Variants in GRIP1 observed in about 807,000 individuals in gnomAD.
The protein encoded by GRIP1 is glutamate receptor interacting protein 1, also known as glutamate receptor-interacting protein 1.
A neutral mutation model predicts 129.9 loss-of-function variants in GRIP1; 45 were observed. The observed-to-expected ratio is 0.35, with a 90% CI of 0.27 to 0.44. The LOEUF (loss-of-function observed/expected upper bound fraction) is 0.44, where lower values mean the gene tolerates loss of function less well. Among genes scored for constraint, GRIP1 ranks in the 20% least tolerant of loss-of-function variants. The pLI, the probability that GRIP1 is intolerant of heterozygous loss-of-function variation, is 1.00. For missense variants in GRIP1, 1,196 were observed against 1,396.8 expected (o/e 0.86, Z 2.29); for synonymous variants, 530 against 520.8 (o/e 1.02, Z -0.24).
intron 7 of GRIP1, among the ~76,000 whole-genome samples, chr12:66,495,920 C>T (rs1385577317): frequency 3.9e-5 from 6 of 152,136 alleles, no homozygotes; most frequent in Admixed American, 3.3e-4. Context: ...GAGTCCTCGG[C>T]GGCAGGTGAG....
chr12:66,679,981 G>A (rs1407559379), upstream of GRIP1, among the ~76,000 whole-genome samples: 2 of 152,018 alleles, frequency 1.3e-5, no homozygotes, highest in African/African-American at 2.4e-5. Flanking sequence ...CAGCCTGCTC[G>A]CCATATAGTC....
rs150105832 is a variant in GRIP1 at position 66,613,797 on chromosome 12, G to A, written c.56-16870C>T. On this transcript the variant is annotated intron_variant, in intron 1 of 24. Transcript: ENST00000359742. Reference sequence around the variant, plus strand: ...ATTAGGGTGCAGTCACTTTTTATTCGACTTAGGTTTCTTCTGTGCAAGGAT... The same window carrying A: ...ATTAGGGTGCAGTCACTTTTTATTCAACTTAGGTTTCTTCTGTGCAAGGAT... 2.6e-3 allele frequency among the ~76,000 whole-genome samples: 390 copies of A among 152,138 alleles called. 1 individual carries two copies. The highest frequency in any genetic ancestry group is 8.8e-3 in the African/African-American group (366 of 41,530).
rs2041485260 is a variant in GRIP1, at chr12:66,936,410, A to G, written c.58+132640T>C. 2.1e-5 allele frequency among the ~76,000 whole-genome samples: 3 copies of G among 143,714 alleles called. No homozygotes were observed. In the South Asian group the frequency reaches 6.8e-4, roughly 33 times the overall value. The allele number at this position is 143,714 out of a possible 152,430, so 94.3% of individuals were successfully genotyped here. On this transcript the variant is annotated intron_variant, in intron 1 of 1. Transcript: ENST00000643019. ...CACTGTACTCCGGCCTGTGTAACAG[A>G]GCAAGACCCTGTCTCCAAAAAAAAA... is the stretch of plus-strand genomic sequence containing the variant.
intron 1 of GRIP1, among the ~76,000 whole-genome samples, chr12:66,838,861 G>T (rs2039664295): frequency 6.6e-6 from 1 of 152,188 alleles, no homozygotes; most frequent in Non-Finnish European, 1.5e-5. Flanking sequence ...AAATATTGGG[G>T]TCGGAGATAA....
At chr12:66,673,836 C>G (rs934292409) in intron 1 of GRIP1, among the ~76,000 whole-genome samples, 1 of 152,108 alleles carries the variant, frequency 6.6e-6, no homozygotes, top group Non-Finnish European at 1.5e-5. Context: ...GAAATATGCC[C>G]CATGCCCTAG....
At chr12:66,917,858 C>T (rs1304905674) in intron 1 of GRIP1, among the ~76,000 whole-genome samples, 2 of 152,048 alleles carry the variant, frequency 1.3e-5, no homozygotes, top group Non-Finnish European at 2.9e-5. Flanking sequence ...TACACTCCGC[C>T]ATCTATCTCT....
At chr12:66,484,553 T>A (rs1038918905) in intron 7 of GRIP1, among the ~76,000 whole-genome samples, 1 of 152,186 alleles carries the variant, frequency 6.6e-6, no homozygotes. Flanking sequence ...GATGACACTA[T>A]GTTAAGTGAA....
chr12:67,056,007 G>A (rs1183814475), intron 1 of GRIP1, among the ~76,000 whole-genome samples: 1 of 152,172 alleles, frequency 6.6e-6, no homozygotes, highest in Non-Finnish European at 1.5e-5. Context: ...CAGCAAGAAG[G>A]TGAGGGGGAA....
At chr12:66,546,157 C>T (rs1003401724) in intron 2 of GRIP1, among the ~76,000 whole-genome samples, 10 of 152,046 alleles carry the variant, frequency 6.6e-5, no homozygotes, top group Admixed American at 2.6e-4. Flanking sequence ...AGTATTTAGT[C>T]TACTCAATTT....
At chr12:66,808,844 C>A (rs563399493), upstream of GRIP1, among the ~76,000 whole-genome samples, 1 of 99,274 alleles carries the variant, frequency 1.0e-5, no homozygotes, top group South Asian at 3.2e-4. Context: ...CTGGCCCCTG[C>A]AGGCATAAAT....
intron 3 of GRIP1, 54 bp from the exon 4 acceptor site, chr12:66,539,277 T>G: frequency 1.2e-6 from 2 of 1,610,808 alleles, no homozygotes; most frequent in Non-Finnish European, 1.7e-6. Flanking sequence ...TAGGCCAGTC[T>G]GACTATATTT....
chr12:66,815,423 C>A (rs1442227838), intron 1 of GRIP1, among the ~76,000 whole-genome samples: 1 of 152,120 alleles, frequency 6.6e-6, no homozygotes, highest in Admixed American at 6.6e-5. Context: ...CTAAGGATGA[C>A]TCTATTAGTT....
intron 1 of GRIP1, among the ~76,000 whole-genome samples, chr12:66,983,380 GT>G (rs1418123386): frequency 6.6e-6 from 1 of 152,028 alleles, no homozygotes; most frequent in Non-Finnish European, 1.5e-5. Flanking sequence ...ATAAGGTATT[GT>G]TATTATTATT....
chr12:66,409,798 A>T (rs11176169), intron 15 of GRIP1, among the ~76,000 whole-genome samples: 33,969 of 152,142 alleles, frequency 0.22, 3,971 homozygotes, highest in East Asian at 0.34. Context: ...TGAGTGTGTG[A>T]TAATACAGAT....
chr12:66,699,699 G>A (rs1035118008), intron 1 of GRIP1, among the ~76,000 whole-genome samples: 2 of 152,208 alleles, frequency 1.3e-5, no homozygotes, highest in African/African-American at 4.8e-5. Context: ...GAATCAGGCA[G>A]ATGGCAAGCA....
chr12:66,732,559 CA>C (rs796158797), intron 1 of GRIP1, among the ~76,000 whole-genome samples: 10 of 143,734 alleles, frequency 7.0e-5, no homozygotes, highest in East Asian at 4.0e-4. Context: ...AACAAACAAA[CA>C]AAAAAAAAAC....
intron 1 of GRIP1, among the ~76,000 whole-genome samples, chr12:66,779,245 C>A (rs1327554386): frequency 6.6e-6 from 1 of 152,060 alleles, no homozygotes; most frequent in African/African-American, 2.4e-5. Flanking sequence ...ATCTGACAAA[C>A]CACAAGACAT....
chr12:66,531,401 A>C (rs2061462032), intron 4 of GRIP1, among the ~76,000 whole-genome samples: 1 of 151,236 alleles, frequency 6.6e-6, no homozygotes, highest in Non-Finnish European at 1.5e-5. Flanking sequence ...CAGAAATAGC[A>C]AGTAGTTTTA....
intron 14 of GRIP1, among the ~76,000 whole-genome samples, chr12:66,431,793 T>C (rs1209806320): frequency 1.3e-5 from 2 of 152,206 alleles, no homozygotes; most frequent in Non-Finnish European, 2.9e-5. Context: ...TTCCATTCTA[T>C]GAAAGTCCAC....
Sources: allele counts gnomAD v4.1 joint callset (sites outside exome capture counted in the v4.1 genomes callset), GRCh38; gene constraint gnomAD v4.1.1; transcripts MANE v1.5; gene names NCBI Gene and HGNC (gene_info 2026-07-23, HGNC 2026-07-21).